TIAM1: variants seen among roughly 807,000 people sequenced by gnomAD.
The protein encoded by TIAM1 is TIAM Rac1 associated GEF 1.
TIAM1 carries 65 observed loss-of-function variants against 163.5 expected under a neutral mutation model. The ratio of observed to expected loss-of-function variants is 0.40; its 90% CI spans 0.33 to 0.49. The LOEUF is 0.49. TIAM1 is among the 20% of genes least tolerant of loss of function. The pLI, the probability that TIAM1 is intolerant of heterozygous loss-of-function variation, is 0.77. For missense variants in TIAM1, 1,789 were observed against 2,044.7 expected (o/e 0.87, Z 2.41); for synonymous variants, 833 against 810.1 (o/e 1.03, Z -0.48).
At chr21:31,468,329 A>AAATAC (rs2045605590) in intron 1 of TIAM1, among the ~76,000 whole-genome samples, 1 of 151,022 alleles carries the variant, frequency 6.6e-6, no homozygotes, top group South Asian at 2.1e-4. Context: ...AATAGAAAAA[A>AAATAC]AAAATTAGCC....
intron 6 of TIAM1, among the ~76,000 whole-genome samples, chr21:31,239,785 C>A (rs1416589053): frequency 6.6e-6 from 1 of 152,036 alleles, no homozygotes; most frequent in Non-Finnish European, 1.5e-5. Context: ...TGAATATGTG[C>A]TCAATTTCAT....
intron 4 of TIAM1, among the ~76,000 whole-genome samples, chr21:31,257,662 G>A (rs1238130145): frequency 4.6e-5 from 7 of 152,004 alleles, no homozygotes; most frequent in African/African-American, 1.4e-4. Context: ...AATGTTCCAG[G>A]AGCAATGTGG....
chr21:31,504,252 T>C (rs1200117170), intron 1 of TIAM1, among the ~76,000 whole-genome samples: 1 of 152,142 alleles, frequency 6.6e-6, no homozygotes, highest in Admixed American at 6.5e-5. Context: ...GGGGTTGCCT[T>C]TGCAGGTAAA....
intron 2 of TIAM1, among the ~76,000 whole-genome samples, chr21:31,368,613 T>C (rs1230308049): frequency 2.0e-5 from 3 of 152,258 alleles, no homozygotes; most frequent in African/African-American, 7.2e-5. Context: ...AATAGATGCG[T>C]GAACAGATCC....
At position 31,251,938 on chromosome 21, in the gene TIAM1, G is replaced by A; in HGVS notation, c.1215C>T (p.Gly405=). 1 of 1,613,872 alleles carries A rather than the reference G, an allele frequency of 6.2e-7. No individual in the cohort carries two copies. Among genetic ancestry groups the A allele is most frequent in the Non-Finnish European group, 8.5e-7 (1 of 1,179,914 alleles). Residue 405 remains glycine (G), a synonymous_variant, in exon 5 of 28, where the codon GGC becomes GGT. Transcript: ENST00000541036. ...TTNSESLEEA[G]SAHSDEQSSG... ...TGCTCTGCTCATCGCTGTGCGCCGA[G>A]CCGGCCTCCTCCAGGCTCTCGCTGT...
intron 15 of TIAM1, among the ~76,000 whole-genome samples, chr21:31,178,312 T>TG (rs2146421117): frequency 7.3e-6 from 1 of 137,698 alleles, no homozygotes; most frequent in East Asian, 2.1e-4. Context: ...TCTTTTTTTT[T>TG]TTTTTTTTTT....
In TIAM1 at chr21:31,127,070, G is replaced by C; in HGVS notation, c.4128C>G (p.Cys1376Trp). The change falls in exon 26 of 28, where the codon TGC becomes TGG. Residue 1376 changes from cysteine to tryptophan, a missense_variant. This residue lies in a region of TIAM1 where 415 missense variants were observed against 439.2 expected (regional missense o/e 0.94). Coordinates refer to ENST00000541036, the MANE Select transcript of TIAM1 (RefSeq NM_001353694.2). ...CTTTACAGGCCCAGGCTCACCTGCA[G>C]CACAAGTGAAAGACCCTCTCCGGCC... ...EGRPERVFHLCCSSPESRKDF... is the reference protein window; with the variant it reads ...EGRPERVFHLWCSSPESRKDF... 1.2e-6 allele frequency: 2 copies of C among 1,613,902 alleles called. No individual in the cohort carries two copies. Among genetic ancestry groups the C allele is most frequent in the Non-Finnish European group, 1.7e-6 (2 of 1,179,792 alleles).
chr21:31,462,748 TG>T (rs57793159), intron 2 of TIAM1, among the ~76,000 whole-genome samples: 106,723 of 143,448 alleles, frequency 0.74, 39,929 homozygotes, highest in East Asian at 0.87. Flanking sequence ...TTTTTTTTTT[TG>T]TTTTTTTTTT....
At chr21:31,493,354 A>G (rs2046537809) in intron 1 of TIAM1, among the ~76,000 whole-genome samples, 1 of 152,226 alleles carries the variant, frequency 6.6e-6, no homozygotes, top group Non-Finnish European at 1.5e-5. Flanking sequence ...CAATGATAAA[A>G]AGATATAAAA....
chr21:31,177,137 T>A (rs1192062658), intron 15 of TIAM1, among the ~76,000 whole-genome samples: 2 of 152,202 alleles, frequency 1.3e-5, no homozygotes, highest in Non-Finnish European at 2.9e-5. Context: ...AAAACATTTA[T>A]TGAGCGCTTA....
In TIAM1 at chr21:31,448,622, A is replaced by AG. The variant is rs1240916434; in HGVS notation, c.-369+15360_-369+15361insC. 1.1e-3 allele frequency among the ~76,000 whole-genome samples: 170 copies of AG among 151,132 alleles called. 1 individual carries two copies. The highest frequency in any genetic ancestry group is 4.0e-3 in the African/African-American group (165 of 41,098). On this transcript the variant is annotated intron_variant, in intron 2 of 28. Transcript: ENST00000286827. ...CTCCATCTCAATTAAAAAAAAAAAA[A>AG]AAAACAAGAAGTGCAAATTGGAGAA...
At chr21:31,177,391 G>A (rs1046994772) in intron 15 of TIAM1, among the ~76,000 whole-genome samples, 1 of 152,172 alleles carries the variant, frequency 6.6e-6, no homozygotes, top group Non-Finnish European at 1.5e-5. Flanking sequence ...TGGATCACCT[G>A]AGGCCAGGAG....
intron 2 of TIAM1, among the ~76,000 whole-genome samples, chr21:31,437,842 A>C (rs948038748): frequency 3.3e-5 from 5 of 152,186 alleles, no homozygotes; most frequent in Non-Finnish European, 5.9e-5. Context: ...AAGCCAATTA[A>C]ACCTCTTCTC....
intron 2 of TIAM1, among the ~76,000 whole-genome samples, chr21:31,352,271 G>C (rs896654377): frequency 1.3e-5 from 2 of 152,134 alleles, no homozygotes; most frequent in Non-Finnish European, 2.9e-5. Context: ...GTTCTGATCT[G>C]TGCTGCTACA....
At chr21:31,493,139 AG>A (rs964249166) in intron 1 of TIAM1, among the ~76,000 whole-genome samples, 1 of 152,184 alleles carries the variant, frequency 6.6e-6, no homozygotes, top group African/African-American at 2.4e-5. Flanking sequence ...ACTACATTCC[AG>A]GTACCATGCA....
intron 7 of TIAM1, among the ~76,000 whole-genome samples, chr21:31,223,892 TA>T (rs1343535295): frequency 6.6e-6 from 1 of 152,132 alleles, no homozygotes; most frequent in Non-Finnish European, 1.5e-5. Context: ...ACTCCAGAAG[TA>T]AAAATGTAGA....
At position 31,182,472 on chromosome 21, in the gene TIAM1, C is replaced by T. The variant is rs200840977; in HGVS notation, c.2836G>A (p.Gly946Ser). 119 of 1,609,842 alleles carry T rather than the reference C, an allele frequency of 7.4e-5. No homozygotes were observed. In the Middle Eastern group the frequency reaches 2.0e-3, roughly 27 times the overall value. ...GGGCTCTCGCCAAGGTCGGCAGGGC[C>T]GTCCACTCGGTGGGGCGGGCTTTCC... is the stretch of plus-strand genomic sequence containing the variant. ...LLESPPHRVDGPADLGESPLA... is the reference protein window; with the variant it reads ...LLESPPHRVDSPADLGESPLA... The change falls in exon 15 of 28, where the codon GGC (glycine) becomes AGC (serine). Residue 946 changes from glycine (G) to serine (S), a missense_variant. Coordinates refer to ENST00000541036, the MANE Select transcript of TIAM1 (RefSeq NM_001353694.2).
intron 15 of TIAM1, among the ~76,000 whole-genome samples, chr21:31,181,194 C>T (rs1015227261): frequency 6.6e-6 from 1 of 152,176 alleles, no homozygotes; most frequent in African/African-American, 2.4e-5. Context: ...TTCCATCACT[C>T]ACTCACTCTC....
chr21:31,160,905 G>C (rs1034403533), intron 16 of TIAM1: 2 of 162,508 alleles, frequency 1.2e-5, no homozygotes, highest in South Asian at 2.0e-4. Flanking sequence ...GGATGTAAGC[G>C]TCTCTGCCCT....
Sources: allele counts gnomAD v4.1 joint callset (sites outside exome capture counted in the v4.1 genomes callset), GRCh38; gene constraint gnomAD v4.1.1; regional missense constraint gnomAD v4.1.1; transcripts MANE v1.5; gene names NCBI Gene and HGNC (gene_info 2026-07-23, HGNC 2026-07-21).